Variants in ITSN2 observed in about 807,000 individuals in gnomAD.
The protein encoded by ITSN2 is intersectin-2.
Under a neutral mutation model 243.7 loss-of-function variants are expected in ITSN2, and 156 were observed. The observed-to-expected ratio is 0.64, with a 90% CI of 0.56 to 0.73. ITSN2 has a LOEUF of 0.73. Among genes scored for constraint, ITSN2 ranks in the 30% least tolerant of loss-of-function variants. The probability of loss-of-function intolerance (pLI) is 0.00; values close to 1 mark genes in which losing one functional copy is unlikely to be tolerated. For missense variants in ITSN2, 1,801 were observed against 1,996.1 expected (o/e 0.90, Z 1.86); for synonymous variants, 703 against 699.9 (o/e 1.00, Z -0.07).
intron 8 of ITSN2, among the ~76,000 whole-genome samples, chr2:24,305,629 CA>C (rs1336914540): frequency 3.0e-4 from 38 of 125,216 alleles, no homozygotes; most frequent in Non-Finnish European, 6.2e-4. Context: ...ACTTATTGAA[CA>C]AAACAAACAT....
At chr2:24,234,402 A>T (rs1384852553) in intron 29 of ITSN2, among the ~76,000 whole-genome samples, 1 of 152,216 alleles carries the variant, frequency 6.6e-6, no homozygotes, top group Non-Finnish European at 1.5e-5. Context: ...GCTCCCAGAA[A>T]ATAGTGTAAG....
chr2:24,277,438 G>T (rs1258639221), intron 17 of ITSN2, among the ~76,000 whole-genome samples: 1 of 152,192 alleles, frequency 6.6e-6, no homozygotes, highest in Non-Finnish European at 1.5e-5. Flanking sequence ...CAACATGTCT[G>T]AGCAAAACAT....
chr2:24,226,469 A>C (rs1671038486), intron 29 of ITSN2, among the ~76,000 whole-genome samples: 1 of 152,214 alleles, frequency 6.6e-6, no homozygotes, highest in African/African-American at 2.4e-5. Flanking sequence ...TCTTACACAA[A>C]CTTGGAGTTC....
intron 1 of ITSN2, among the ~76,000 whole-genome samples, chr2:24,357,425 T>C (rs1470610551): frequency 2.0e-5 from 3 of 151,862 alleles, no homozygotes; most frequent in Non-Finnish European, 4.4e-5. Flanking sequence ...GAGTTGAACA[T>C]TGAGAACACA....
At chr2:24,217,381 T>C (rs1471732440) in intron 31 of ITSN2, among the ~76,000 whole-genome samples, 1 of 152,204 alleles carries the variant, frequency 6.6e-6, no homozygotes, top group Non-Finnish European at 1.5e-5. Context: ...ATTTTCAGTC[T>C]GTAAGAGAAA....
At chr2:24,297,676 C>A (rs946749021) in intron 13 of ITSN2, among the ~76,000 whole-genome samples, 2 of 152,158 alleles carry the variant, frequency 1.3e-5, no homozygotes, top group Admixed American at 1.3e-4. Context: ...CCCGAGCTTC[C>A]CCTCTCCTGC....
chr2:24,310,765 C>CA, intron 5 of ITSN2, 73 bp from the exon 6 acceptor site: 1 of 1,208,348 alleles, frequency 8.3e-7, no homozygotes, highest in Non-Finnish European at 1.2e-6. Context: ...AACAAGTTTA[C>CA]AGTACAGTGG....
At chr2:24,277,584 T>C (rs979044664) in intron 17 of ITSN2, among the ~76,000 whole-genome samples, 3 of 152,176 alleles carry the variant, frequency 2.0e-5, no homozygotes, top group East Asian at 3.9e-4. Flanking sequence ...TTACAATATA[T>C]AGAGAAGCAA....
At chr2:24,342,541 TAGGC>T (rs1687144449) in intron 1 of ITSN2, among the ~76,000 whole-genome samples, 2 of 148,058 alleles carry the variant, frequency 1.4e-5, no homozygotes, top group African/African-American at 5.0e-5. Flanking sequence ...CTTGATCTCG[TAGGC>T]CCTCAAGTGT....
At chr2:24,221,634 A>G (rs1670460305) in intron 29 of ITSN2, 2 of 152,320 alleles carry the variant, frequency 1.3e-5, no homozygotes, top group South Asian at 4.1e-4. Flanking sequence ...TAGATTTCTT[A>G]AAGGAAAGTT....
In ITSN2 at chr2:24,299,911, C is replaced by T. The variant is rs1681504708; in HGVS notation, c.1342G>A (p.Glu448Lys). 2 of 1,593,598 alleles carry T rather than the reference C, an allele frequency of 1.3e-6. No homozygotes were observed. ...GAAGTAAAAAACTTAAAAATAACCT[C>T]TCGTCTTTCTATGTCTTTTCTCCTT... ...EERRKDIERR[E>K]AAKQELERQR... The change falls in exon 12 of 40, where the codon GAG becomes AAG. Residue 448 changes from glutamate to lysine, a missense_variant and splice_region_variant. Transcript: ENST00000355123.
chr2:24,322,686 C>T (rs1275752516), intron 2 of ITSN2, among the ~76,000 whole-genome samples: 2 of 151,958 alleles, frequency 1.3e-5, no homozygotes, highest in Non-Finnish European at 2.9e-5. Flanking sequence ...TTTTGGAACA[C>T]AAAAGGCAAA....
chr2:24,257,861 C>A, intron 23 of ITSN2, 27 bp downstream of exon 23: 1 of 1,541,502 alleles, frequency 6.5e-7, no homozygotes. Flanking sequence ...ACATCCACAT[C>A]TCATGAAAAC....
Position 24,310,333 on chromosome 2 carries a change from C to G in ITSN2, c.604G>C (p.Gly202Arg). 6.2e-7 allele frequency: 1 copy of G among 1,613,554 alleles called. No individual in the cohort carries two copies. The highest frequency in any genetic ancestry group is 1.1e-5 in the South Asian group (1 of 91,060). The change falls in exon 7 of 40, where the codon GGT becomes CGT. Residue 202 changes from glycine to arginine, a missense_variant. Coordinates refer to ENST00000355123, the MANE Select transcript of ITSN2 (RefSeq NM_006277.3). ...GACTGCGCTTTCTGTATACTAGCAC[C>G]TCCAAATCCTCCCATCATCAGACTA... ...SYSLMMGGFG[G>R]ASIQKAQSLI...
chr2:24,340,388 G>A (rs1686918709), intron 1 of ITSN2, among the ~76,000 whole-genome samples: 1 of 151,822 alleles, frequency 6.6e-6, no homozygotes, highest in Non-Finnish European at 1.5e-5. Context: ...GGCTGAGGCA[G>A]GAGAATCGCT....
intron 29 of ITSN2, chr2:24,239,029 T>C (rs1162048958): frequency 6.6e-6 from 1 of 152,450 alleles, no homozygotes; most frequent in African/African-American, 2.4e-5. Context: ...TGCCCAGCAT[T>C]TGCACAATCT....
rs182441667 is a variant in ITSN2, at chr2:24,210,042, G to T, written c.4258-9C>A. The T allele has an allele frequency of 8.3e-4, 1,325 of 1,605,398 alleles. 13 individuals are homozygous for T. Among genetic ancestry groups the T allele is most frequent in the Non-Finnish European group, 5.6e-5 (66 of 1,172,632 alleles). On this transcript the variant is annotated splice_polypyrimidine_tract_variant and intron_variant, in intron 34 of 39. Transcript: ENST00000355123. ...GAGTTGAAAATAAGTTGCTTAAAGA[G>T]AAAGAAAATTTCACTTTTTAAATCC...
intron 5 of ITSN2, chr2:24,311,487 A>G (rs1683254532): frequency 6.0e-6 from 1 of 166,640 alleles, no homozygotes; most frequent in Non-Finnish European, 1.5e-5. Flanking sequence ...GACTCAAGCA[A>G]TCCTACCCAT....
intron 1 of ITSN2, among the ~76,000 whole-genome samples, chr2:24,356,387 A>G (rs1688451710): frequency 6.6e-6 from 1 of 151,460 alleles, no homozygotes; most frequent in Non-Finnish European, 1.5e-5. Flanking sequence ...AACTATCATC[A>G]GAGTGAACAG....
Sources: allele counts gnomAD v4.1 joint callset (sites outside exome capture counted in the v4.1 genomes callset), GRCh38; gene constraint gnomAD v4.1.1; transcripts MANE v1.5; gene names NCBI Gene and HGNC (gene_info 2026-07-23, HGNC 2026-07-21).